Variants in CD8B2 observed in about 807,000 individuals in gnomAD.
CD8B2 encodes the protein T-cell surface glycoprotein CD8 beta-2 chain.
Under a neutral mutation model 23.7 loss-of-function variants are expected in CD8B2, and 11 were observed. The observed-to-expected ratio is 0.46, with a 90% CI of 0.29 to 0.77. The LOEUF (loss-of-function observed/expected upper bound fraction) is 0.77. CD8B2 is among the 30% of genes least tolerant of loss of function. The pLI is 0.09. For synonymous variants in CD8B2, 90 were observed against 109.3 expected, an observed-to-expected ratio of 0.82 and a Z score of 1.10; for missense variants, 197 against 270.5, an observed-to-expected ratio of 0.73 and a Z score of 1.91.
intron 5 of CD8B2, among the ~76,000 whole-genome samples, chr2:106,516,984 G>T (rs1679739208): frequency 1.4e-5 from 2 of 146,550 alleles, no homozygotes; most frequent in African/African-American, 2.5e-5. Flanking sequence ...TTTCATATAT[G>T]AAGATTAATA....
intron 5 of CD8B2, among the ~76,000 whole-genome samples, chr2:106,521,260 G>A (rs928660280): frequency 4.6e-5 from 7 of 152,114 alleles, no homozygotes; most frequent in Non-Finnish European, 1.0e-4. Context: ...CCACTTGGCC[G>A]GCACCATGTT....
chr2:106,519,410 A>AT (rs758080123), intron 5 of CD8B2, among the ~76,000 whole-genome samples: 2 of 152,144 alleles, frequency 1.3e-5, no homozygotes, highest in African/African-American at 4.8e-5. Context: ...TTGGCCAGTT[A>AT]TTTTCTTAAT....
At chr2:106,517,965 C>T (rs1234066560) in intron 5 of CD8B2, among the ~76,000 whole-genome samples, 4 of 152,144 alleles carry the variant, frequency 2.6e-5, no homozygotes, top group African/African-American at 7.2e-5. Flanking sequence ...CCGCCTGCCT[C>T]GGCCTCCCAA....
intron 3 of CD8B2, among the ~76,000 whole-genome samples, chr2:106,501,912 G>A (rs1679415665): frequency 6.6e-6 from 1 of 152,082 alleles, no homozygotes; most frequent in Non-Finnish European, 1.5e-5. Context: ...TCATTACCAG[G>A]CATGAAAATT....
Position 106,502,482 on chromosome 2 carries a change from T to C in CD8B2, c.502T>C (p.Cys168Arg), listed in dbSNP as rs1000113624. Residue 168 changes from cysteine (C) to arginine (R), a missense_variant, in exon 4 of 6, where the codon TGT becomes CGT. Around this residue, in one of 3 missense-constraint regions of CD8B2, gnomAD observed 35 missense variants for 82.9 expected, o/e 0.42. Transcript: ENST00000643224. ...PRPETQKGPL[C>R]SPVTLGLLVA... ...ACATGTGTGTTTTCCAGGCCCACTT[T>C]GTAGCCCCGTCACCCTTGGCCTGCT... 2.4e-5 allele frequency: 38 copies of C among 1,571,064 alleles called. No individual in the cohort carries two copies. In the East Asian group the frequency reaches 5.6e-4, roughly 23 times the overall value.
downstream of CD8B2, among the ~76,000 whole-genome samples, chr2:106,513,929 G>T (rs530929014): frequency 1.0e-3 from 153 of 152,234 alleles, no homozygotes; most frequent in African/African-American, 3.5e-3. Flanking sequence ...AACAGGGAGG[G>T]AGGGTGGCTT....
intron 5 of CD8B2, among the ~76,000 whole-genome samples, chr2:106,522,904 G>T (rs1679849130): frequency 6.6e-6 from 1 of 152,106 alleles, no homozygotes; most frequent in African/African-American, 2.4e-5. Context: ...GTGCTCCAGG[G>T]CTGTCTTCCT....
At chr2:106,523,533 C>A (rs1031593153) in intron 5 of CD8B2, among the ~76,000 whole-genome samples, 1 of 152,064 alleles carries the variant, frequency 6.6e-6, no homozygotes, top group Non-Finnish European at 1.5e-5. Context: ...AGATGGCTAA[C>A]TAGAAATAGG....
At chr2:106,495,110 ACACACTGTCCCTTTCATT>A (rs1328025309) in intron 2 of CD8B2, among the ~76,000 whole-genome samples, 1 of 152,010 alleles carries the variant, frequency 6.6e-6, no homozygotes, top group Non-Finnish European at 1.5e-5. Context: ...CTTTTTTTGG[ACACACTGTCCCTTTCATT>A]CTCAGATAAT....
intron 5 of CD8B2, among the ~76,000 whole-genome samples, chr2:106,521,102 G>A (rs1033679617): frequency 3.3e-5 from 5 of 151,976 alleles, no homozygotes; most frequent in African/African-American, 9.7e-5. Context: ...GATAGATGCC[G>A]AATGGGAATC....
Position 106,520,833 on chromosome 2 carries a change from G to A in CD8B2, c.620+16508G>A, listed in dbSNP as rs529603154. On this transcript the variant is annotated intron_variant, in intron 5 of 5. Transcript: ENST00000416057. ...TGCAGTGAGCCGAGATCATGCCACT[G>A]CACTCCAGCCTGGGCGAGAGCGTGA... 1.2e-4 allele frequency among the ~76,000 whole-genome samples: 18 copies of A among 152,218 alleles called. No homozygotes were observed. The South Asian group carries it at 2.7e-3, about 23-fold the overall frequency.
chr2:106,503,521 A>G (rs1336355049), intron 4 of CD8B2, among the ~76,000 whole-genome samples: 1 of 152,270 alleles, frequency 6.6e-6, no homozygotes, highest in Non-Finnish European at 1.5e-5. Flanking sequence ...AAATATTTTG[A>G]AACACATTTA....
At chr2:106,536,634 G>A (rs900613192) in intron 5 of CD8B2, among the ~76,000 whole-genome samples, 1 of 152,186 alleles carries the variant, frequency 6.6e-6, no homozygotes, top group African/African-American at 2.4e-5. Context: ...AGATGAAAAG[G>A]GTGAAACTGA....
intron 5 of CD8B2, among the ~76,000 whole-genome samples, chr2:106,518,008 C>T (rs972390502): frequency 1.3e-5 from 2 of 152,218 alleles, no homozygotes; most frequent in African/African-American, 2.4e-5. Context: ...GCCACCGCGC[C>T]CAGCCTGTTT....
intron 5 of CD8B2, among the ~76,000 whole-genome samples, chr2:106,505,158 G>A (rs1188438638): frequency 3.3e-5 from 5 of 152,184 alleles, no homozygotes; most frequent in Non-Finnish European, 5.9e-5. Flanking sequence ...TCCTGGGCCA[G>A]GGCAGCATTC....
chr2:106,543,227 AAAT>A (rs1207072155), intron 5 of CD8B2: 1 of 152,128 alleles, frequency 6.6e-6, no homozygotes, highest in East Asian at 1.9e-4. Context: ...AGGTATTTTC[AAAT>A]AAAATATCAG....
intron 5 of CD8B2, among the ~76,000 whole-genome samples, chr2:106,536,032 T>C (rs1308209379): frequency 5.6e-5 from 5 of 89,158 alleles, no homozygotes; most frequent in Admixed American, 1.2e-4. Flanking sequence ...CACACACACT[T>C]TTTTTTTTTT....
intron 3 of CD8B2, among the ~76,000 whole-genome samples, chr2:106,497,272 CA>C (rs958163744): frequency 6.6e-6 from 1 of 151,848 alleles, no homozygotes; most frequent in African/African-American, 2.4e-5. Context: ...GGCCCTCTCT[CA>C]AAAAAAAGTT....
At position 106,533,953 on chromosome 2, in the gene CD8B2, A is replaced by G. The variant is rs562576232; in HGVS notation, c.621-10039A>G. ...TTGGGATCCATCATTAAGAATGTGT[A>G]CAAGGAATTACAGCTAATCTTCACT... On this transcript the variant is annotated intron_variant, in intron 5 of 5. Transcript: ENST00000416057. Among the ~76,000 whole-genome samples the G allele has an allele frequency of 2.0e-5, 3 of 152,358 alleles. No individual in the cohort carries two copies. In the East Asian group the frequency reaches 5.8e-4, roughly 29 times the overall value.
Sources: gnomAD v4.1 joint callset for allele counts (sites outside exome capture counted in the v4.1 genomes callset) on GRCh38, gnomAD v4.1.1 for gene constraint, gnomAD v4.1.1 regional missense constraint, MANE v1.5 for transcripts, NCBI Gene and HGNC (gene_info 2026-07-23, HGNC 2026-07-21) for gene names.